Variants in CNTNAP2 observed in about 807,000 individuals in gnomAD.
The protein encoded by CNTNAP2 is contactin-associated protein-like 2.
CNTNAP2 carries 98 observed loss-of-function variants against 155.2 expected under a neutral mutation model. The observed-to-expected ratio is 0.63, with a 90% CI of 0.54 to 0.75. The LOEUF is 0.75. Ranked by LOEUF, CNTNAP2 falls within the 30% of genes least tolerant of loss-of-function variation. The probability of loss-of-function intolerance (pLI) is 0.00; values close to 1 mark genes in which losing one functional copy is unlikely to be tolerated. For synonymous variants in CNTNAP2, 651 were observed against 631.2 expected, an observed-to-expected ratio of 1.03 and a Z score of -0.47; for missense variants, 1,727 against 1,688.1, an observed-to-expected ratio of 1.02 and a Z score of -0.40.
At chr7:146,529,438 A>G (rs1310302778) in intron 1 of CNTNAP2, among the ~76,000 whole-genome samples, 3 of 152,156 alleles carry the variant, frequency 2.0e-5, no homozygotes, top group Non-Finnish European at 4.4e-5. Context: ...GGTGTATGAG[A>G]TGATACTCTA....
At chr7:147,616,608 C>T (rs1311009963) in intron 12 of CNTNAP2, among the ~76,000 whole-genome samples, 2 of 152,122 alleles carry the variant, frequency 1.3e-5, no homozygotes, top group Non-Finnish European at 2.9e-5. Context: ...CCGAAATTTG[C>T]TCAAATATTA....
intron 3 of CNTNAP2, among the ~76,000 whole-genome samples, chr7:147,002,774 T>C (rs1156872813): frequency 2.0e-5 from 3 of 151,844 alleles, no homozygotes; most frequent in Non-Finnish European, 2.9e-5. Flanking sequence ...TAACTTGCTC[T>C]ATTGGGTCTC....
At chr7:147,723,975 T>A (rs182737362) in intron 13 of CNTNAP2, among the ~76,000 whole-genome samples, 2 of 151,976 alleles carry the variant, frequency 1.3e-5, no homozygotes, top group East Asian at 1.9e-4. Flanking sequence ...CTCTCTGTGA[T>A]CTGCACAGTG....
intron 15 of CNTNAP2, among the ~76,000 whole-genome samples, chr7:148,075,563 C>A (rs1018405582): frequency 6.6e-6 from 1 of 152,142 alleles, no homozygotes; most frequent in African/African-American, 2.4e-5. Context: ...GAGAGTCCTG[C>A]AGGGCACATT....
At chr7:147,631,803 C>A (rs1200845117) in intron 12 of CNTNAP2, among the ~76,000 whole-genome samples, 1 of 152,120 alleles carries the variant, frequency 6.6e-6, no homozygotes, top group African/African-American at 2.4e-5. Flanking sequence ...GCTGCATCCT[C>A]ATCGCTTAAC....
intron 1 of CNTNAP2, among the ~76,000 whole-genome samples, chr7:146,755,793 A>G (rs1475458318): frequency 6.6e-6 from 1 of 152,014 alleles, no homozygotes. Flanking sequence ...ATACAGTGCT[A>G]TTTATAGGAC....
At chr7:147,900,300 G>A (rs1799846613) in intron 13 of CNTNAP2, among the ~76,000 whole-genome samples, 1 of 152,118 alleles carries the variant, frequency 6.6e-6, no homozygotes. Context: ...CTTGGTGGGA[G>A]GTGACTGGAT....
At chr7:148,114,454 G>T (rs1804421210) in intron 15 of CNTNAP2, among the ~76,000 whole-genome samples, 1 of 152,196 alleles carries the variant, frequency 6.6e-6, no homozygotes, top group Admixed American at 6.5e-5. Context: ...ATATTCTGAG[G>T]CTGAAGATTA....
intron 15 of CNTNAP2, among the ~76,000 whole-genome samples, chr7:148,084,424 G>T (rs4726921): frequency 0.99 from 151,521 of 152,370 alleles, 75,342 homozygotes; most frequent in East Asian, 1. Context: ...GAATGTCACA[G>T]GTCGGAAGCC....
intron 15 of CNTNAP2, among the ~76,000 whole-genome samples, chr7:148,030,796 A>T (rs1466970094): frequency 6.6e-6 from 1 of 152,092 alleles, no homozygotes; most frequent in Non-Finnish European, 1.5e-5. Context: ...AGGGCTACAA[A>T]ATGTGGTCAA....
intron 15 of CNTNAP2, among the ~76,000 whole-genome samples, chr7:148,116,878 C>G (rs530968945): frequency 6.6e-6 from 1 of 152,130 alleles, no homozygotes; most frequent in Non-Finnish European, 1.5e-5. Flanking sequence ...AAAGATATAG[C>G]AAATACCGTG....
At chr7:148,193,598 G>A (rs1315213512) in intron 18 of CNTNAP2, among the ~76,000 whole-genome samples, 1 of 151,958 alleles carries the variant, frequency 6.6e-6, no homozygotes, top group Non-Finnish European at 1.5e-5. Flanking sequence ...TGTAATTGGT[G>A]GTGGCAGAGT....
At chr7:148,261,429 G>A (rs11760952) in intron 20 of CNTNAP2, among the ~76,000 whole-genome samples, 51,567 of 152,100 alleles carry the variant, frequency 0.34, 8,917 homozygotes, top group Middle Eastern at 0.43. Flanking sequence ...AAAGTGCTGG[G>A]ATTATAGGCG....
At chr7:147,932,093 C>G (rs1800516873) in intron 14 of CNTNAP2, among the ~76,000 whole-genome samples, 1 of 152,046 alleles carries the variant, frequency 6.6e-6, no homozygotes, top group Non-Finnish European at 1.5e-5. Context: ...ACTATATTGC[C>G]CAGGCTGATC....
At chr7:148,135,138 A>C (rs570875905) in intron 16 of CNTNAP2, among the ~76,000 whole-genome samples, 16 of 152,298 alleles carry the variant, frequency 1.1e-4, no homozygotes, top group African/African-American at 3.6e-4. Flanking sequence ...TAGAAAGAAA[A>C]CCCAAAAATA....
At chr7:147,581,105 T>C (rs189427129) in intron 12 of CNTNAP2, among the ~76,000 whole-genome samples, 1 of 152,306 alleles carries the variant, frequency 6.6e-6, no homozygotes, top group East Asian at 1.9e-4. Flanking sequence ...AGCCAAATCA[T>C]AGGTAGATAA....
Position 147,108,129 on chromosome 7 carries a change from T to TA in CNTNAP2, c.551-18_551-17insA. ...CATACATGGCTGAACTAATATGTTATTTTTTTTTTTGTTTTAGGGGCTGAT... is the reference window on the plus strand; with the variant it reads ...CATACATGGCTGAACTAATATGTTATATTTTTTTTTTGTTTTAGGGGCTGAT... On this transcript the variant is annotated splice_polypyrimidine_tract_variant and intron_variant, in intron 4 of 23. Coordinates refer to ENST00000361727, the MANE Select transcript of CNTNAP2 (RefSeq NM_014141.6). 9.5e-7 allele frequency: 1 copy of TA among 1,047,712 alleles called. No homozygotes were observed. The highest frequency in any genetic ancestry group is 1.3e-6 in the Non-Finnish European group (1 of 761,040). The allele number at this position is 1,047,712 out of a possible 1,614,324, so 64.9% of individuals were successfully genotyped here. A position where few individuals can be genotyped will look rare whatever the true frequency, so the allele number is the denominator to read the frequency against.
chr7:146,412,274 G>T (rs527654669), intron 1 of CNTNAP2, among the ~76,000 whole-genome samples: 1 of 152,294 alleles, frequency 6.6e-6, no homozygotes, highest in South Asian at 2.1e-4. Context: ...CTTCACAGCC[G>T]CAATGCTCTT....
At chr7:146,368,658 C>T (rs1795188039) in intron 1 of CNTNAP2, among the ~76,000 whole-genome samples, 2 of 152,030 alleles carry the variant, frequency 1.3e-5, no homozygotes, top group South Asian at 4.1e-4. Flanking sequence ...TAGTAAGATG[C>T]ACCACGGTTC....
Sources: gnomAD v4.1 joint callset for allele counts (sites outside exome capture counted in the v4.1 genomes callset) on GRCh38, gnomAD v4.1.1 for gene constraint, MANE v1.5 for transcripts, NCBI Gene and HGNC (gene_info 2026-07-23, HGNC 2026-07-21) for gene names.